The following DDAH1 variants were observed in gnomAD, a reference collection of about 807,000 sequenced individuals.
DDAH1 encodes the protein dimethylarginine dimethylaminohydrolase 1.
DDAH1 carries 19 observed loss-of-function variants against 28.8 expected under a neutral mutation model. That is an observed-to-expected ratio of 0.66 (90% CI 0.46 to 0.97). DDAH1 has a LOEUF of 0.97. Among genes scored for constraint, DDAH1 ranks in the 50% least tolerant of loss-of-function variants. DDAH1 has a pLI of 0.00. For synonymous variants in DDAH1, 153 were observed against 154.4 expected (o/e 0.99, Z 0.07); for missense variants, 326 against 375.9 (o/e 0.87, Z 1.10).
In DDAH1 at chr1:85,420,075, T is replaced by C. The variant is rs556828810; in HGVS notation, c.303+44668A>G. 1.2e-3 allele frequency among the ~76,000 whole-genome samples: 177 copies of C among 152,198 alleles called. No individual in the cohort carries two copies. In the South Asian group the frequency reaches 0.02, roughly 17 times the overall value. On this transcript the variant is annotated intron_variant, in intron 1 of 5. Transcript: ENST00000284031. ...GTTCGACCTGGGCTCCTCTGAGCTATGGCTAGATGGGGTTCGACTGGGATG... is the reference window on the plus strand; with the variant it reads ...GTTCGACCTGGGCTCCTCTGAGCTACGGCTAGATGGGGTTCGACTGGGATG...
At chr1:85,377,778 G>A (rs1650754694) in intron 1 of DDAH1, among the ~76,000 whole-genome samples, 1 of 142,500 alleles carries the variant, frequency 7.0e-6, no homozygotes, top group Admixed American at 7.4e-5. Context: ...TCCATTTGAT[G>A]ACTGAAGATT....
intron 5 of DDAH1, among the ~76,000 whole-genome samples, chr1:85,322,463 C>G (rs1338112027): frequency 1.3e-5 from 2 of 152,162 alleles, no homozygotes; most frequent in African/African-American, 2.4e-5. Flanking sequence ...AAAACAGAAT[C>G]ACTTGAAAGT....
chr1:85,363,203 T>C (rs1341403474), intron 1 of DDAH1, among the ~76,000 whole-genome samples: 2 of 152,220 alleles, frequency 1.3e-5, no homozygotes, highest in African/African-American at 4.8e-5. Flanking sequence ...TGGGGCCTGG[T>C]GAACAGTTCT....
At chr1:85,386,454 A>G (rs964275965) in intron 1 of DDAH1, among the ~76,000 whole-genome samples, 1 of 152,242 alleles carries the variant, frequency 6.6e-6, no homozygotes, top group Non-Finnish European at 1.5e-5. Flanking sequence ...TTAAAGCTCC[A>G]AACAATCCTT....
intron 1 of DDAH1, among the ~76,000 whole-genome samples, chr1:85,439,592 C>T: frequency 6.6e-6 from 1 of 152,334 alleles, no homozygotes; most frequent in Admixed American, 6.5e-5. Flanking sequence ...CTTAAACTAT[C>T]TGCTCTTCAA....
At chr1:85,380,685 A>C (rs1413547195) in intron 1 of DDAH1, 2 of 152,136 alleles carry the variant, frequency 1.3e-5, no homozygotes, top group African/African-American at 4.8e-5. Context: ...ATTCTTTTTT[A>C]ATTTAGTGCC....
At chr1:85,554,298 T>TTTTTTA (rs3058939) in intron 1 of DDAH1, among the ~76,000 whole-genome samples, 1 of 150,316 alleles carries the variant, frequency 6.7e-6, no homozygotes, top group African/African-American at 2.4e-5. Flanking sequence ...TTTTTTTTTT[T>TTTTTTA]AATCTCTAAA....
At chr1:85,511,386 C>A (rs1657226933) in intron 1 of DDAH1, among the ~76,000 whole-genome samples, 1 of 152,128 alleles carries the variant, frequency 6.6e-6, no homozygotes, top group Non-Finnish European at 1.5e-5. Flanking sequence ...TAAACGTCCA[C>A]TAGAGAAAGC....
At chr1:85,491,194 G>T (rs1003440298) in intron 2 of DDAH1, among the ~76,000 whole-genome samples, 1 of 151,940 alleles carries the variant, frequency 6.6e-6, no homozygotes, top group African/African-American at 2.4e-5. Context: ...CTTCAAGTGT[G>T]TGCCATCATG....
intron 1 of DDAH1, among the ~76,000 whole-genome samples, chr1:85,410,164 C>T (rs1269447078): frequency 6.6e-6 from 1 of 151,976 alleles, no homozygotes; most frequent in Admixed American, 6.6e-5. Flanking sequence ...ACCTGTAGTC[C>T]CAGCTACACG....
chr1:85,321,260 G>T lies in DDAH1; in HGVS notation c.*192C>A. 2 of 543,538 alleles carry T rather than the reference G, an allele frequency of 3.7e-6. No homozygotes were observed. The highest frequency in any genetic ancestry group is 6.6e-6 in the Non-Finnish European group (2 of 304,328). 33.7% of individuals were successfully genotyped at this position (543,538 alleles called of 1,614,324 possible). On this transcript the variant is annotated 3_prime_UTR_variant, in exon 6 of 6. Coordinates refer to ENST00000284031, the MANE Select transcript of DDAH1 (RefSeq NM_012137.4). ...GCTTAATTCATTTAGCAAATCCACA[G>T]CTTAGGTACCACCTCGAGGGGAGGG...
At chr1:85,433,825 A>T (rs1001766172) in intron 1 of DDAH1, among the ~76,000 whole-genome samples, 2 of 152,204 alleles carry the variant, frequency 1.3e-5, no homozygotes, top group Non-Finnish European at 2.9e-5. Context: ...TTAAGATACA[A>T]ATAAAATATT....
At chr1:85,401,839 T>A (rs557559383) in intron 1 of DDAH1, among the ~76,000 whole-genome samples, 1 of 152,296 alleles carries the variant, frequency 6.6e-6, no homozygotes, top group African/African-American at 2.4e-5. Context: ...TTCCTATTAT[T>A]GAACTGTAGA....
Position 85,454,785 on chromosome 1 carries a change from T to C in DDAH1, c.303+9958A>G, listed in dbSNP as rs1021706234. ...CCCACTAGTGGGTAGAGAGCAGCAA[T>C]TGGGGAAAAAATGGTACAAAAACCT... On this transcript the variant is annotated intron_variant, in intron 1 of 5. Coordinates refer to ENST00000284031, the MANE Select transcript of DDAH1 (RefSeq NM_012137.4). Among the ~76,000 whole-genome samples, 5 of 152,114 alleles carry C rather than the reference T, an allele frequency of 3.3e-5. No individual in the cohort carries two copies. The East Asian group carries it at 5.8e-4, about 18-fold the overall frequency.
intron 1 of DDAH1, among the ~76,000 whole-genome samples, chr1:85,533,208 G>A (rs1161659278): frequency 5.3e-5 from 8 of 151,926 alleles, no homozygotes; most frequent in Non-Finnish European, 8.8e-5. Flanking sequence ...GACATTAGAG[G>A]GAAAATCTCT....
At chr1:85,468,817 C>G (rs1027356712), upstream of DDAH1, among the ~76,000 whole-genome samples, 2 of 152,098 alleles carry the variant, frequency 1.3e-5, no homozygotes, top group African/African-American at 4.8e-5. Context: ...CGCGCCTAGC[C>G]GGGAACTCTC....
intron 2 of DDAH1, chr1:85,493,987 T>C (rs1656493633): frequency 1.3e-5 from 2 of 152,234 alleles, no homozygotes; most frequent in African/African-American, 2.4e-5. Flanking sequence ...AAGGTGAAAC[T>C]GATGTTCAAA....
chr1:85,404,265 A>G lies in DDAH1; in HGVS notation c.304-45418T>C, dbSNP rs1652295764. 4 of 935,462 alleles carry G rather than the reference A, an allele frequency of 4.3e-6. No homozygotes were observed. The Admixed American group carries it at 1.0e-4, about 24-fold the overall frequency. The allele number at this position is 935,462 out of a possible 1,614,324, so 57.9% of individuals were successfully genotyped here. A position where few individuals can be genotyped will look rare whatever the true frequency, so the allele number is the denominator to read the frequency against. On this transcript the variant is annotated intron_variant, in intron 1 of 5. Coordinates refer to ENST00000284031, the MANE Select transcript of DDAH1 (RefSeq NM_012137.4). Reference sequence around the variant, plus strand: ...ATTTCTAGAATCCACTTCTTAGAAGATGCCACCAGTTCATATTGACCCATT... The same window carrying G: ...ATTTCTAGAATCCACTTCTTAGAAGGTGCCACCAGTTCATATTGACCCATT...
intron 1 of DDAH1, among the ~76,000 whole-genome samples, chr1:85,403,086 G>C (rs557785858): frequency 6.6e-6 from 1 of 151,990 alleles, no homozygotes; most frequent in East Asian, 1.9e-4. Context: ...CTGTCCCTTA[G>C]GGACTGCTAA....
Sources: allele counts gnomAD v4.1 joint callset (sites outside exome capture counted in the v4.1 genomes callset), GRCh38; gene constraint gnomAD v4.1.1; transcripts MANE v1.5; gene names NCBI Gene and HGNC (gene_info 2026-07-23, HGNC 2026-07-21).